Variants in TMEM102 observed in about 807,000 individuals in gnomAD.
TMEM102 encodes DANGER family member 2B.
TMEM102 carries 28 observed loss-of-function variants against 26.8 expected under a neutral mutation model. The ratio of observed to expected loss-of-function variants is 1.05; its 90% CI spans 0.77 to 1.43. The LOEUF is 1.43. Ranked by LOEUF, TMEM102 falls within the 40% of genes most tolerant of loss-of-function variation. The pLI is 0.00. For missense variants in TMEM102, 677 were observed against 705.6 expected (o/e 0.96, Z 0.46); for synonymous variants, 306 against 332.1 (o/e 0.92, Z 0.86).
At chr17:7,435,811 C>T in intron 1 of TMEM102, 42 bp from the exon 2 acceptor site, 1 of 1,484,556 alleles carries the variant, frequency 6.7e-7, no homozygotes, top group Non-Finnish European at 9.1e-7. Flanking sequence ...ACGGGGACGA[C>T]TTTGTGGCAG....
chr17:7,435,766 C>T (rs1907984935), intron 1 of TMEM102, 70 bp downstream of exon 1: 1 of 1,021,964 alleles, frequency 9.8e-7, no homozygotes, highest in African/African-American at 1.6e-5. Flanking sequence ...TAGGTTGTGT[C>T]TGGGGCACTC....
In TMEM102 at chr17:7,437,407, C is replaced by A; in HGVS notation, c.1428C>A (p.Leu476=). 6.6e-7 allele frequency: 1 copy of A among 1,518,180 alleles called. No individual in the cohort carries two copies. Among genetic ancestry groups the A allele is most frequent in the Non-Finnish European group, 8.8e-7 (1 of 1,131,800 alleles). 94.0% of individuals were successfully genotyped at this position (1,518,180 alleles called of 1,614,324 possible). Reference sequence around the variant, plus strand: ...CGCTGCTCGGAGAATTGGCCCGGCTCCGCGGGGACCCGGCCCGGGCCCTCC... The same window carrying A: ...CGCTGCTCGGAGAATTGGCCCGGCTACGCGGGGACCCGGCCCGGGCCCTCC... ...SAALLGELAR[L]RGDPARALRA... Residue 476 remains leucine (L), a synonymous_variant, in exon 3 of 3, where the codon CTC becomes CTA. Transcript: ENST00000323206. The surrounding 1 kb of genome is among the most constrained non-coding windows in gnomAD (Gnocchi z 4.2).
At position 7,437,523 on chromosome 17, in the gene TMEM102, A is replaced by G. The variant is rs1294859284; in HGVS notation, c.*17A>G. 3.7e-6 allele frequency: 5 copies of G among 1,338,404 alleles called. No individual in the cohort carries two copies. Among genetic ancestry groups the G allele is most frequent in the Non-Finnish European group, 4.8e-6 (5 of 1,043,062 alleles). 82.9% of individuals were successfully genotyped at this position (1,338,404 alleles called of 1,614,324 possible). A position where few individuals can be genotyped will look rare whatever the true frequency, so the allele number is the denominator to read the frequency against. On this transcript the variant is annotated 3_prime_UTR_variant, in exon 3 of 3. Transcript: ENST00000323206. This position sits in a 1 kb window ranked among gnomAD's most constrained non-coding sequence, Gnocchi z 4.2. ...GCCCATTAAAGACGCTGTTCCTACC[A>G]GTGGAAAGTGCCTCTGTGGGCGAGC...
chr17:7,437,163 C>T lies in TMEM102; in HGVS notation c.1184C>T (p.Pro395Leu), dbSNP rs902893045. 2.7e-6 allele frequency: 4 copies of T among 1,479,572 alleles called. No homozygotes were observed. Among genetic ancestry groups the T allele is most frequent in the East Asian group, 5.6e-5 (2 of 35,944 alleles). The allele number at this position is 1,479,572 out of a possible 1,614,324, so 91.7% of individuals were successfully genotyped here. ...AHAAAQALLRPLVAGTRAAAP... is the reference protein window; with the variant it reads ...AHAAAQALLRLLVAGTRAAAP... ...GCGGCGGCCCAGGCGCTACTGCGCC[C>T]GCTGGTGGCCGGGACCCGGGCGGCG... The change falls in exon 3 of 3, where the codon CCG becomes CTG. Residue 395 changes from proline (P) to leucine (L), a missense_variant. Coordinates refer to ENST00000323206, the MANE Select transcript of TMEM102 (RefSeq NM_178518.3). The surrounding 1 kb of genome is among the most constrained non-coding windows in gnomAD (Gnocchi z 4.2).
rs138391537 is a variant in TMEM102, at chr17:7,436,501, C to T, written c.522C>T (p.Ile174=). The T allele has an allele frequency of 3.3e-3, 5,297 of 1,613,898 alleles. 20 individuals are homozygous for T. Among genetic ancestry groups the T allele is most frequent in the Middle Eastern group, 5.6e-3 (34 of 6,062 alleles). The change falls in exon 3 of 3, where the codon ATC becomes ATT. Residue 174 remains isoleucine (I), a synonymous_variant. Coordinates refer to ENST00000323206, the MANE Select transcript of TMEM102 (RefSeq NM_178518.3). ...GPPVPGARDS[I]HRTESEESSK... ...CAGTCCCAGGAGCACGTGATTCGAT[C>T]CACCGAACGGAGAGCGAAGAAAGTT... is the stretch of plus-strand genomic sequence containing the variant.
Position 7,437,242 on chromosome 17 carries a change from G to T in TMEM102, c.1263G>T (p.Ala421=), listed in dbSNP as rs1398942589. The change falls in exon 3 of 3, where the codon GCG becomes GCT. Residue 421 remains alanine (A), a synonymous_variant. Transcript: ENST00000323206. The surrounding 1 kb of genome is among the most constrained non-coding windows in gnomAD (Gnocchi z 4.2). ...ACTGGGCGTGCGAGCGGCTGCCTGC[G>T]CTCTACCTGGCGCGGCCAGAAAATG... is the stretch of plus-strand genomic sequence containing the variant. ...LLYWACERLP[A]LYLARPENAG... is the part of the protein sequence containing the mutation. 2 of 1,522,166 alleles carry T rather than the reference G, an allele frequency of 1.3e-6. No individual in the cohort carries two copies. Among genetic ancestry groups the T allele is most frequent in the Non-Finnish European group, 1.8e-6 (2 of 1,138,068 alleles). 94.3% of individuals were successfully genotyped at this position (1,522,166 alleles called of 1,614,324 possible).
Position 7,436,255 on chromosome 17 carries a change from TG to T in TMEM102, c.279del (p.Ile94PhefsTer29), listed in dbSNP as rs780943502. On this transcript the variant is annotated frameshift_variant, in exon 3 of 3. Coordinates refer to ENST00000323206, the MANE Select transcript of TMEM102 (RefSeq NM_178518.3). LOFTEE classifies it low-confidence loss of function (END_TRUNC). ...PQAELLLLRG[G>X]IREGSLDLGH... Reference sequence around the variant, plus strand: ...AGGCAGAGCTCTTGCTGCTTCGTGGTGGGATTCGCGAGGGCTCCCTGGATCT... The same window carrying T: ...AGGCAGAGCTCTTGCTGCTTCGTGGTGGATTCGCGAGGGCTCCCTGGATCT... The T allele has an allele frequency of 6.2e-7, 1 of 1,613,550 alleles. No individual in the cohort carries two copies. Among genetic ancestry groups the T allele is most frequent in the South Asian group, 1.1e-5 (1 of 91,088 alleles).
In TMEM102 at chr17:7,436,887, T is replaced by C; in HGVS notation, c.908T>C (p.Leu303Pro). The C allele has an allele frequency of 6.2e-7, 1 of 1,610,958 alleles. No homozygotes were observed. Among genetic ancestry groups the C allele is most frequent in the South Asian group, 1.1e-5 (1 of 91,058 alleles). ...CGCCACGCGGGTTTCACCACCGTCC[T>C]CCTGGCTACCCCTGAGCCCCCTCGC... ...AARHAGFTTV[L>P]LATPEPPRRL... The change falls in exon 3 of 3, where the codon CTC becomes CCC. Residue 303 changes from leucine to proline, a missense_variant. Leu to Pro is a moderately conservative substitution (Grantham distance 98). Transcript: ENST00000323206.
Position 7,436,366 on chromosome 17 carries a change from C to G in TMEM102, c.387C>G (p.Asp129Glu). Residue 129 changes from aspartate to glutamate, a missense_variant, in exon 3 of 3, where the codon GAC becomes GAG. Asp to Glu is a conservative substitution (Grantham distance 45). Coordinates refer to ENST00000323206, the MANE Select transcript of TMEM102 (RefSeq NM_178518.3). Reference protein sequence around the residue: ...FTLLVPMFSLDGTELQLDLES... With the variant: ...FTLLVPMFSLEGTELQLDLES... Reference sequence around the variant, plus strand: ...TCCTAGTGCCCATGTTTTCACTGGACGGCACTGAACTGCAACTGGACCTGG... The same window carrying G: ...TCCTAGTGCCCATGTTTTCACTGGAGGGCACTGAACTGCAACTGGACCTGG... The G allele has an allele frequency of 6.2e-7, 1 of 1,613,800 alleles. No homozygotes were observed. The highest frequency in any genetic ancestry group is 8.5e-7 in the Non-Finnish European group (1 of 1,180,038).
rs1412170608 is a variant in TMEM102, at chr17:7,437,151, C to A, written c.1172C>A (p.Ala391Glu). The A allele has an allele frequency of 2.0e-6, 3 of 1,469,806 alleles. No homozygotes were observed. The highest frequency in any genetic ancestry group is 2.7e-6 in the Non-Finnish European group (3 of 1,122,174). 91.0% of individuals were successfully genotyped at this position (1,469,806 alleles called of 1,614,324 possible). ...PLLQAHAAAQ[A>E]LLRPLVAGTR... ...CTGCAGGCGCACGCGGCGGCCCAGG[C>A]GCTACTGCGCCCGCTGGTGGCCGGG... Residue 391 changes from alanine (A) to glutamate (E), a missense_variant, in exon 3 of 3, where the codon GCG becomes GAG. By Grantham distance (107) the Ala-to-Glu change is moderately radical. Coordinates refer to ENST00000323206, the MANE Select transcript of TMEM102 (RefSeq NM_178518.3). The surrounding 1 kb of genome is among the most constrained non-coding windows in gnomAD (Gnocchi z 4.2).
Position 7,435,995 on chromosome 17 carries a change from C to G in TMEM102, c.124C>G (p.Gln42Glu). ...GCTGCAGGAATTGACCCAGCTGATC[C>G]AGGAGCTGGGTGTGCAGGAGAGCTG... ...AQLQELTQLI[Q>E]ELGVQESWSD... Residue 42 changes from glutamine to glutamate, a missense_variant, in exon 2 of 3, where the codon CAG becomes GAG. Transcript: ENST00000323206. 1 of 1,613,544 alleles carries G rather than the reference C, an allele frequency of 6.2e-7. No homozygotes were observed.
chr17:7,435,718 G>A, intron 1 of TMEM102, 22 bp downstream of exon 1: 1 of 673,906 alleles, frequency 1.5e-6, no homozygotes, highest in Non-Finnish European at 2.6e-6. Context: ...TTCATTTTGA[G>A]GACTAAATTT....
In TMEM102 at chr17:7,437,378, G is replaced by A. The variant is rs950866723; in HGVS notation, c.1399G>A (p.Ala467Thr). 1.3e-6 allele frequency: 2 copies of A among 1,560,646 alleles called. No homozygotes were observed. Among genetic ancestry groups the A allele is most frequent in the East Asian group, 2.5e-5 (1 of 39,530 alleles). Residue 467 changes from alanine (A) to threonine (T), a missense_variant, in exon 3 of 3, where the codon GCT (alanine) becomes ACT (threonine). Ala to Thr is a moderately conservative substitution (Grantham distance 58). Coordinates refer to ENST00000323206, the MANE Select transcript of TMEM102 (RefSeq NM_178518.3). This position sits in a 1 kb window ranked among gnomAD's most constrained non-coding sequence, Gnocchi z 4.2. ...ACAGCTCCGTACGGGGGACGACTCC[G>A]CTGCGCTGCTCGGAGAATTGGCCCG... ...GRQLRTGDDS[A>T]ALLGELARLR...
chr17:7,436,364 G>T lies in TMEM102; in HGVS notation c.385G>T (p.Asp129Tyr). Residue 129 changes from aspartate (D) to tyrosine (Y), a missense_variant, in exon 3 of 3, where the codon GAC becomes TAC. Physicochemically the swap from Asp to Tyr is radical, Grantham distance 160. Coordinates refer to ENST00000323206, the MANE Select transcript of TMEM102 (RefSeq NM_178518.3). Reference protein sequence around the residue: ...FTLLVPMFSLDGTELQLDLES... With the variant: ...FTLLVPMFSLYGTELQLDLES... ...ACTCCTAGTGCCCATGTTTTCACTG[G>T]ACGGCACTGAACTGCAACTGGACCT... The T allele has an allele frequency of 6.2e-7, 1 of 1,613,814 alleles. No homozygotes were observed. The highest frequency in any genetic ancestry group is 8.5e-7 in the Non-Finnish European group (1 of 1,180,040).
rs748460131 is a variant in TMEM102 at position 7,436,504 on chromosome 17, C to G, written c.525C>G (p.His175Gln). The change falls in exon 3 of 3, where the codon CAC becomes CAG. Residue 175 changes from histidine to glutamine, a missense_variant. By Grantham distance (24) the His-to-Gln change is conservative. Transcript: ENST00000323206. The part of the protein sequence containing the change: ...PPVPGARDSI[H>Q]RTESEESSKD... The stretch of plus-strand genomic sequence containing the variant: ...TCCCAGGAGCACGTGATTCGATCCA[C>G]CGAACGGAGAGCGAAGAAAGTTCCA... The G allele has an allele frequency of 2.2e-5, 35 of 1,613,768 alleles. No individual in the cohort carries two copies. In the East Asian group the frequency reaches 7.1e-4, roughly 33 times the overall value.
rs374081099 is a variant in TMEM102, at chr17:7,436,047, A to C, written c.176A>C (p.Asp59Ala). The C allele has an allele frequency of 4.5e-5, 73 of 1,613,694 alleles. No individual in the cohort carries two copies. The African/African-American group carries it at 7.3e-4, about 16-fold the overall frequency. ...SWSDGPKPGADLLRAKDFVFS... is the reference protein window; with the variant it reads ...SWSDGPKPGAALLRAKDFVFS... ...AGTGACGGGCCCAAGCCGGGAGCCG[A>C]TCTCCTCCGGGCCAAGGACTTTGTC... The change falls in exon 2 of 3, where the codon GAT becomes GCT. Residue 59 changes from aspartate (D) to alanine (A), a missense_variant. Coordinates refer to ENST00000323206, the MANE Select transcript of TMEM102 (RefSeq NM_178518.3).
chr17:7,436,683 T>C lies in TMEM102; in HGVS notation c.704T>C (p.Met235Thr), dbSNP rs1229774405. The C allele has an allele frequency of 6.2e-7, 1 of 1,613,628 alleles. No individual in the cohort carries two copies. The highest frequency in any genetic ancestry group is 2.2e-5 in the East Asian group (1 of 44,890). The change falls in exon 3 of 3, where the codon ATG (methionine) becomes ACG (threonine). Residue 235 changes from methionine to threonine, a missense_variant. By Grantham distance (81) the Met-to-Thr change is moderately conservative. Transcript: ENST00000323206. ...GGCTCTACCGCACCTTTGAAAACAATGAGTAGTGACGTCACCAAGGCAGCC... is the reference window on the plus strand; with the variant it reads ...GGCTCTACCGCACCTTTGAAAACAACGAGTAGTGACGTCACCAAGGCAGCC... ...DLGSTAPLKTMSSDVTKAAVE... is the reference protein window; with the variant it reads ...DLGSTAPLKTTSSDVTKAAVE...
chr17:7,436,208 C>T lies in TMEM102; in HGVS notation c.229C>T (p.Arg77Trp). The change falls in exon 3 of 3, where the codon CGG becomes TGG. Residue 77 changes from arginine (R) to tryptophan (W), a missense_variant. Transcript: ENST00000323206. ...CCTTTTTTTAGGTCTAGTTCACCGC[C>T]GGGACCCTCGCTTTCCTCCCCAGGC... ...VFSLLGLVHR[R>W]DPRFPPQAEL... is the part of the protein sequence containing the mutation. 1 of 1,611,410 alleles carries T rather than the reference C, an allele frequency of 6.2e-7. No individual in the cohort carries two copies.
Position 7,437,213 on chromosome 17 carries a change from C to T in TMEM102, c.1234C>T (p.Leu412=), listed in dbSNP as rs1908073696. The T allele has an allele frequency of 3.3e-6, 5 of 1,512,634 alleles. No individual in the cohort carries two copies. The highest frequency in any genetic ancestry group is 3.5e-6 in the Non-Finnish European group (4 of 1,134,508). The allele number at this position is 1,512,634 out of a possible 1,614,324, so 93.7% of individuals were successfully genotyped here. The part of the protein sequence containing the change: ...AAAPYLLRTL[L]YWACERLPAL... ...GGCGCCCTACCTCCTGCGGACGCTG[C>T]TGTACTGGGCGTGCGAGCGGCTGCC... The change falls in exon 3 of 3, where the codon CTG becomes TTG. Residue 412 remains leucine, a synonymous_variant. Transcript: ENST00000323206. This position sits in a 1 kb window ranked among gnomAD's most constrained non-coding sequence, Gnocchi z 4.2.
Sources: gnomAD v4.1 joint callset for allele counts on GRCh38, gnomAD v4.1.1 for gene constraint, Gnocchi (gnomAD v3.1) non-coding constraint, MANE v1.5 for transcripts, NCBI Gene and HGNC (gene_info 2026-07-23, HGNC 2026-07-21) for gene names.